The following TLK2 variants were observed in gnomAD, a reference collection of about 807,000 sequenced individuals.
TLK2 encodes tousled like kinase 2.
In TLK2, 6 loss-of-function variants were observed where a neutral mutation model predicts 117.3. The ratio of observed to expected loss-of-function variants is 0.05; its 90% CI spans 0.03 to 0.10. TLK2 has a LOEUF of 0.10. Among genes scored for constraint, TLK2 ranks in the 10% least tolerant of loss-of-function variants. TLK2 has a pLI of 1.00. For missense variants in TLK2, 299 were observed against 901.2 expected (o/e 0.33, Z 8.56); for synonymous variants, 257 against 316.7 (o/e 0.81, Z 2.00).
chr17:62,505,393 A>G (rs1488712202), intron 2 of TLK2, among the ~76,000 whole-genome samples: 2 of 127,974 alleles, frequency 1.6e-5, no homozygotes, highest in Admixed American at 8.1e-5. Flanking sequence ...ACAGTCATGC[A>G]CTACCATACC....
At chr17:62,503,292 C>G (rs2074374657) in intron 2 of TLK2, among the ~76,000 whole-genome samples, 1 of 151,972 alleles carries the variant, frequency 6.6e-6, no homozygotes, top group South Asian at 2.1e-4. Context: ...TCTCCTGACC[C>G]TGTGATCCGC....
intron 7 of TLK2, among the ~76,000 whole-genome samples, chr17:62,545,826 C>T (rs982881398): frequency 1.3e-5 from 2 of 151,990 alleles, no homozygotes; most frequent in African/African-American, 4.8e-5. Flanking sequence ...CCTCAGCCTC[C>T]CCAAATAGCT....
At chr17:62,531,981 G>C (rs577100025) in intron 6 of TLK2, among the ~76,000 whole-genome samples, 9 of 152,106 alleles carry the variant, frequency 5.9e-5, no homozygotes, top group Non-Finnish European at 1.3e-4. Flanking sequence ...CTCTCCCTTG[G>C]GTGGGCTTTG....
intron 7 of TLK2, among the ~76,000 whole-genome samples, chr17:62,549,370 G>A (rs1434146322): frequency 3.4e-5 from 3 of 88,314 alleles, no homozygotes; most frequent in Non-Finnish European, 6.4e-5. Context: ...CTACACTCCA[G>A]CCTAAGTGAC....
At position 62,612,383 on chromosome 17, in the gene TLK2, C is replaced by A. The variant is rs201523479; in HGVS notation, c.2080-9C>A. ...TCTGCCTCTGTCTTCAAGAAACTCT[C>A]CTTTGCAGGCGTTTATTCGACGATG... On this transcript the variant is annotated splice_polypyrimidine_tract_variant and intron_variant, in intron 21 of 21. Transcript: ENST00000346027. The A allele has an allele frequency of 1.9e-6, 3 of 1,611,818 alleles. No individual in the cohort carries two copies. The highest frequency in any genetic ancestry group is 2.5e-6 in the Non-Finnish European group (3 of 1,178,848).
chr17:62,532,275 C>T (rs1204344094), intron 6 of TLK2, among the ~76,000 whole-genome samples: 2 of 152,048 alleles, frequency 1.3e-5, no homozygotes, highest in East Asian at 3.9e-4. Context: ...AGGCTGTAGC[C>T]TACATAGTGT....
Position 62,545,010 on chromosome 17 carries a change from TA to T in TLK2, c.532-7291del, listed in dbSNP as rs548922344. On this transcript the variant is annotated intron_variant, in intron 7 of 21. Transcript: ENST00000346027. ...TTTCAGATTGCTCATTGCTAGAGTA[TA>T]GAAATACAATTGATTTTTGTATGTT... Among the ~76,000 whole-genome samples, 551 of 152,342 alleles carry T rather than the reference TA, an allele frequency of 3.6e-3. 2 individuals carry two copies. The highest frequency in any genetic ancestry group is 0.012 in the African/African-American group (519 of 41,584).
intron 2 of TLK2, among the ~76,000 whole-genome samples, chr17:62,489,129 TC>T (rs1313897030): frequency 2.0e-5 from 3 of 151,756 alleles, no homozygotes; most frequent in African/African-American, 7.2e-5. Context: ...CTCCATTTAT[TC>T]CCCTCACAAT....
At chr17:62,538,202 A>ATTTT (rs1411932298) in intron 7 of TLK2, among the ~76,000 whole-genome samples, 1 of 150,344 alleles carries the variant, frequency 6.7e-6, no homozygotes, top group Non-Finnish European at 1.5e-5. Flanking sequence ...CGCCTGGCTA[A>ATTTT]TTTTTTGTAT....
At chr17:62,525,979 A>G (rs946364303) in intron 6 of TLK2, among the ~76,000 whole-genome samples, 8 of 152,168 alleles carry the variant, frequency 5.3e-5, no homozygotes, top group African/African-American at 1.9e-4. Flanking sequence ...TCTTCCTGAA[A>G]TGCCTTTTTC....
chr17:62,545,972 C>A (rs1001161718), intron 7 of TLK2, among the ~76,000 whole-genome samples: 3 of 152,120 alleles, frequency 2.0e-5, no homozygotes, highest in Admixed American at 1.3e-4. Flanking sequence ...ACCTCTGCTT[C>A]CCAGATTCAA....
intron 2 of TLK2, among the ~76,000 whole-genome samples, chr17:62,490,595 G>A (rs1293748755): frequency 7.2e-5 from 11 of 152,150 alleles, no homozygotes; most frequent in Admixed American, 5.9e-4. Flanking sequence ...AGGCTGGAGT[G>A]CAATGGCATG....
At chr17:62,545,272 A>G (rs950274347) in intron 7 of TLK2, among the ~76,000 whole-genome samples, 1 of 152,076 alleles carries the variant, frequency 6.6e-6, no homozygotes, top group African/African-American at 2.4e-5. Flanking sequence ...TGATTCACTC[A>G]CCTCAGCTTC....
At chr17:62,564,292 C>A (rs2079546369) in intron 10 of TLK2, among the ~76,000 whole-genome samples, 1 of 152,050 alleles carries the variant, frequency 6.6e-6, no homozygotes, top group South Asian at 2.1e-4. Context: ...AATCTCAGCA[C>A]TTTGGGAGGC....
chr17:62,564,623 G>T (rs1316722031), intron 10 of TLK2, among the ~76,000 whole-genome samples: 1 of 151,152 alleles, frequency 6.6e-6, no homozygotes, highest in East Asian at 1.9e-4. Flanking sequence ...CAGGAGAATC[G>T]CTTGAACCCG....
chr17:62,506,518 C>CT (rs1350052522), intron 2 of TLK2, among the ~76,000 whole-genome samples: 3 of 151,816 alleles, frequency 2.0e-5, no homozygotes, highest in Non-Finnish European at 1.5e-5. Flanking sequence ...GATTTTTTTT[C>CT]TTTTTTTTCC....
At chr17:62,505,407 A>ACTTTTTTTTTTTT (rs2074590247) in intron 2 of TLK2, among the ~76,000 whole-genome samples, 1 of 53,756 alleles carries the variant, frequency 1.9e-5, no homozygotes, top group African/African-American at 9.3e-5. Flanking sequence ...CCATACCCAG[A>ACTTTTTTTTTTTT]TTTTTTTTTT....
rs1458726025 is a variant in TLK2, at chr17:62,586,307, A to G, written c.1460+81A>G. 4 of 985,816 alleles carry G rather than the reference A, an allele frequency of 4.1e-6. No individual in the cohort carries two copies. In the East Asian group the frequency reaches 1.0e-4, roughly 25 times the overall value. The allele number at this position is 985,816 out of a possible 1,614,324, so 61.1% of individuals were successfully genotyped here. On this transcript the variant is annotated intron_variant, in intron 16 of 21. Transcript: ENST00000346027. ...GCATTATGCTACAAGCTTTACGTGC[A>G]TTGTTGTTGGTTTTGTTTTATGTAA...
intron 6 of TLK2, among the ~76,000 whole-genome samples, chr17:62,524,889 C>T (rs918699354): frequency 3.9e-5 from 6 of 152,082 alleles, no homozygotes; most frequent in East Asian, 3.9e-4. Flanking sequence ...TGTCACTGCT[C>T]GGAGGTATGG....
Sources: allele counts gnomAD v4.1 joint callset (sites outside exome capture counted in the v4.1 genomes callset), GRCh38; gene constraint gnomAD v4.1.1; transcripts MANE v1.5; gene names NCBI Gene and HGNC (gene_info 2026-07-23, HGNC 2026-07-21).